PPFIBP1: variants seen among roughly 807,000 people sequenced by gnomAD.
The protein encoded by PPFIBP1 is PPFIB scaffold protein 1, also known as liprin-beta-1.
PPFIBP1 carries 112 observed loss-of-function variants against 137.8 expected under a neutral mutation model. That is an observed-to-expected ratio of 0.81 (90% CI 0.70 to 0.95). PPFIBP1 has a LOEUF of 0.95. Ranked by LOEUF, PPFIBP1 falls within the 40% of genes least tolerant of loss-of-function variation. The probability of loss-of-function intolerance (pLI) is 0.00; values close to 1 mark genes in which losing one functional copy is unlikely to be tolerated. For missense variants in PPFIBP1, 1,083 were observed against 1,196.6 expected, an observed-to-expected ratio of 0.91 and a Z score of 1.40; for synonymous variants, 378 against 417.3, an observed-to-expected ratio of 0.91 and a Z score of 1.15.
chr12:27,628,659 T>C (rs2057031029), intron 2 of PPFIBP1, among the ~76,000 whole-genome samples: 1 of 152,228 alleles, frequency 6.6e-6, no homozygotes, highest in Non-Finnish European at 1.5e-5. Flanking sequence ...CATGACATAT[T>C]ATCATCATAG....
intron 1 of PPFIBP1, among the ~76,000 whole-genome samples, chr12:27,536,410 C>G (rs1281407318): frequency 6.6e-6 from 1 of 152,128 alleles, no homozygotes; most frequent in East Asian, 1.9e-4. Flanking sequence ...TGGCGAGGCC[C>G]CCAGGAAGCT....
At chr12:27,602,912 T>G (rs2054146354) in intron 2 of PPFIBP1, among the ~76,000 whole-genome samples, 2 of 152,208 alleles carry the variant, frequency 1.3e-5, no homozygotes, top group African/African-American at 4.8e-5. Context: ...TTAATCTCAT[T>G]TTTGTCTCTA....
rs370956312 is a variant in PPFIBP1, at chr12:27,587,127, GA to G, written c.-36+8889del. On this transcript the variant is annotated intron_variant, in intron 2 of 29. Transcript: ENST00000228425. ...AACCAATTTGCCTTTTTACAGTTAG[GA>G]CTTGAAGGATGAATATTTACCAATC... is the stretch of plus-strand genomic sequence containing the variant. Among the ~76,000 whole-genome samples, 53 of 152,228 alleles carry G rather than the reference GA, an allele frequency of 3.5e-4. No individual in the cohort carries two copies. The East Asian group carries it at 0.01, about 29-fold the overall frequency.
intron 4 of PPFIBP1, 55 bp from the exon 5 acceptor site, chr12:27,646,007 A>G: frequency 7.8e-7 from 1 of 1,288,182 alleles, no homozygotes. Context: ...TCATTTATCT[A>G]CGATATATCA....
At chr12:27,661,025 G>A (rs1280959415) in intron 11 of PPFIBP1, 80 bp downstream of exon 11, 1 of 1,565,368 alleles carries the variant, frequency 6.4e-7, no homozygotes, top group African/African-American at 1.4e-5. Flanking sequence ...CATGAGCTAT[G>A]CCATTTTAAA....
intron 5 of PPFIBP1, 107 bp from the exon 6 acceptor site, chr12:27,647,622 G>T: frequency 6.1e-6 from 4 of 660,948 alleles, no homozygotes; most frequent in East Asian, 2.9e-5. Context: ...CTTTATAACC[G>T]TATGAATGGT....
intron 2 of PPFIBP1, chr12:27,593,902 G>A (rs1457531318): frequency 2.7e-6 from 4 of 1,495,756 alleles, no homozygotes; most frequent in African/African-American, 1.4e-5. Context: ...AAGGACCCTT[G>A]GAAGGTGCGT....
At chr12:27,566,179 T>C (rs2049648067) in intron 1 of PPFIBP1, among the ~76,000 whole-genome samples, 1 of 152,204 alleles carries the variant, frequency 6.6e-6, no homozygotes, top group South Asian at 2.1e-4. Context: ...ACATTATTAG[T>C]AATTAAAACC....
chr12:27,583,568 C>T (rs1194576141), intron 2 of PPFIBP1, among the ~76,000 whole-genome samples: 1 of 152,092 alleles, frequency 6.6e-6, no homozygotes, highest in African/African-American at 2.4e-5. Context: ...GCACAGAGGC[C>T]TTTGAACAAG....
intron 1 of PPFIBP1, among the ~76,000 whole-genome samples, chr12:27,576,395 C>G (rs1195493689): frequency 6.6e-6 from 1 of 152,188 alleles, no homozygotes; most frequent in African/African-American, 2.4e-5. Flanking sequence ...GTCTTGTTCT[C>G]TGCTGGAGAC....
At chr12:27,630,742 C>G (rs2057203973) in intron 2 of PPFIBP1, among the ~76,000 whole-genome samples, 1 of 152,076 alleles carries the variant, frequency 6.6e-6, no homozygotes, top group African/African-American at 2.4e-5. Context: ...GTACATTGTA[C>G]CTATTTTCAT....
intron 5 of PPFIBP1, among the ~76,000 whole-genome samples, chr12:27,646,524 G>A (rs902506123): frequency 2.6e-5 from 4 of 151,322 alleles, no homozygotes; most frequent in Admixed American, 1.3e-4. Context: ...GATTACAGGT[G>A]TGCAGCACCA....
At chr12:27,539,609 C>T (rs1330266313) in intron 1 of PPFIBP1, among the ~76,000 whole-genome samples, 1 of 152,180 alleles carries the variant, frequency 6.6e-6, no homozygotes, top group African/African-American at 2.4e-5. Context: ...CTGTTTACTG[C>T]CTTACCTGCC....
chr12:27,579,975 G>A (rs1200226692), intron 2 of PPFIBP1, among the ~76,000 whole-genome samples: 3 of 152,114 alleles, frequency 2.0e-5, no homozygotes, highest in African/African-American at 4.8e-5. Flanking sequence ...TTGATTGCAT[G>A]GTACAGGAAG....
At chr12:27,539,158 A>C (rs2135966628) in intron 1 of PPFIBP1, among the ~76,000 whole-genome samples, 1 of 152,358 alleles carries the variant, frequency 6.6e-6, no homozygotes, top group Non-Finnish European at 1.5e-5. Context: ...CTGTTACTCC[A>C]AGAAAGCCAT....
chr12:27,642,570 T>C (rs1456425471), intron 4 of PPFIBP1, among the ~76,000 whole-genome samples: 1 of 152,064 alleles, frequency 6.6e-6, no homozygotes, highest in African/African-American at 2.4e-5. Flanking sequence ...AGGCAGAATA[T>C]GATGAAACAC....
At chr12:27,604,676 G>A (rs1249437566) in intron 2 of PPFIBP1, among the ~76,000 whole-genome samples, 3 of 152,232 alleles carry the variant, frequency 2.0e-5, no homozygotes, top group Admixed American at 6.5e-5. Flanking sequence ...ACGCTGTTGT[G>A]TGTGCACACA....
chr12:27,637,834 A>G (rs1233157453), intron 4 of PPFIBP1, among the ~76,000 whole-genome samples: 1 of 152,174 alleles, frequency 6.6e-6, no homozygotes, highest in East Asian at 1.9e-4. Context: ...AAGATTATAT[A>G]CTTATAATTT....
chr12:27,646,247 T>C, intron 5 of PPFIBP1, 99 bp downstream of exon 5: 1 of 899,564 alleles, frequency 1.1e-6, no homozygotes, highest in South Asian at 1.4e-5. Context: ...ATCAGACTGC[T>C]AATAGAAATA....
Sources: gnomAD v4.1 joint callset for allele counts (sites outside exome capture counted in the v4.1 genomes callset) on GRCh38, gnomAD v4.1.1 for gene constraint, MANE v1.5 for transcripts, NCBI Gene and HGNC (gene_info 2026-07-23, HGNC 2026-07-21) for gene names.